STRIP1: variants seen among roughly 807,000 people sequenced by gnomAD.
STRIP1 encodes striatin-interacting protein 1.
In STRIP1, 63 loss-of-function variants were observed where a neutral mutation model predicts 106.2. That is an observed-to-expected ratio of 0.59 (90% CI 0.48 to 0.73). STRIP1 has a LOEUF of 0.73. Ranked by LOEUF, STRIP1 falls within the 30% of genes least tolerant of loss-of-function variation. STRIP1 has a pLI of 0.00. For missense variants in STRIP1, 857 were observed against 1,074.8 expected, an observed-to-expected ratio of 0.80 and a Z score of 2.83; for synonymous variants, 390 against 413.0, an observed-to-expected ratio of 0.94 and a Z score of 0.67.
chr1:110,043,121 A>C lies in STRIP1; in HGVS notation c.919A>C (p.Met307Leu). 1 of 1,613,846 alleles carries C rather than the reference A, an allele frequency of 6.2e-7. No individual in the cohort carries two copies. The highest frequency in any genetic ancestry group is 8.5e-7 in the Non-Finnish European group (1 of 1,179,952). ...TLGGFEELQS[M>L]KAEKRSILGL... ...AGGCGGCTTTGAGGAGCTGCAGAGC[A>C]TGAAGGCTGAGAAGCGCAGCATCCT... Residue 307 changes from methionine to leucine, a missense_variant, in exon 9 of 21, where the codon ATG becomes CTG. Around this residue, in one of 2 missense-constraint regions of STRIP1, gnomAD observed 750 missense variants for 989.8 expected, o/e 0.76. Coordinates refer to ENST00000369795, the MANE Select transcript of STRIP1 (RefSeq NM_033088.4).
Position 110,045,026 on chromosome 1 carries a change from CAGT to C in STRIP1, c.1365_1367del (p.Val457del). 1 of 1,614,108 alleles carries C rather than the reference CAGT, an allele frequency of 6.2e-7. No homozygotes were observed. Among genetic ancestry groups the C allele is most frequent in the Non-Finnish European group, 8.5e-7 (1 of 1,180,026 alleles). ...TCTTTATTCTCCAGTGACACGAACA[CAGT>C]GGTGGGGCTGCCCAGGCCAATCCAC... On this transcript the variant is annotated inframe_deletion, in exon 12 of 21. Transcript: ENST00000369795.
At chr1:110,033,116 T>C (rs1652270687), upstream of STRIP1, among the ~76,000 whole-genome samples, 1 of 152,224 alleles carries the variant, frequency 6.6e-6, no homozygotes, top group African/African-American at 2.4e-5. Context: ...CCTGGAACTT[T>C]GCAGGGCTTC....
intron 6 of STRIP1, chr1:110,041,293 G>C (rs964959606): frequency 8.3e-5 from 32 of 386,994 alleles, no homozygotes; most frequent in Non-Finnish European, 1.5e-4. Flanking sequence ...CATAAACCCT[G>C]TTTTTGTTCT....
At chr1:110,033,882 C>G (rs914075385), upstream of STRIP1, among the ~76,000 whole-genome samples, 2 of 152,230 alleles carry the variant, frequency 1.3e-5, no homozygotes, top group African/African-American at 4.8e-5. Context: ...TGATGTTTCT[C>G]TTAGTAGTTT....
intron 5 of STRIP1, 135 bp downstream of exon 5, chr1:110,039,650 G>A: frequency 8.6e-7 from 1 of 1,161,164 alleles, no homozygotes; most frequent in Non-Finnish European, 1.2e-6. Flanking sequence ...CTGACCACCT[G>A]GGTTGAATAA....
intron 1 of STRIP1, among the ~76,000 whole-genome samples, chr1:110,035,762 A>G (rs903161395): frequency 1.3e-5 from 2 of 152,214 alleles, no homozygotes; most frequent in African/African-American, 4.8e-5. Context: ...GTCCAAGCAT[A>G]ATGTACCAAT....
chr1:110,034,536 A>G, upstream of STRIP1: 3 of 1,378,842 alleles, frequency 2.2e-6, no homozygotes, highest in South Asian at 3.1e-5. Context: ...ACTGGCCGCC[A>G]CACTTAATAT....
chr1:110,042,202 G>A (rs2101772299), intron 8 of STRIP1, among the ~76,000 whole-genome samples: 1 of 152,298 alleles, frequency 6.6e-6, no homozygotes, highest in South Asian at 2.1e-4. Flanking sequence ...TACAGCTGAT[G>A]TAATTGGGGC....
In STRIP1 at chr1:110,039,837, C is replaced by T. The variant is rs910515275; in HGVS notation, c.581+322C>T. ...TTGAACCTGCAGACACTGCTGTGTT[C>T]GCCCTGCAGTTTCCGCCTTGGCAGG... On this transcript the variant is annotated intron_variant, in intron 5 of 20. Coordinates refer to ENST00000369795, the MANE Select transcript of STRIP1 (RefSeq NM_033088.4). 22 of 1,311,004 alleles carry T rather than the reference C, an allele frequency of 1.7e-5. No homozygotes were observed. The African/African-American group carries it at 2.5e-4, about 15-fold the overall frequency. 81.2% of individuals were successfully genotyped at this position (1,311,004 alleles called of 1,614,324 possible).
intron 18 of STRIP1, 145 bp from the exon 19 acceptor site, chr1:110,050,811 G>A: frequency 1.6e-6 from 1 of 618,236 alleles, no homozygotes; most frequent in East Asian, 2.7e-5. Flanking sequence ...TTCTGGGATG[G>A]AGTCCTGGGG....
intron 17 of STRIP1, chr1:110,050,068 C>T: frequency 2.1e-6 from 1 of 472,854 alleles, no homozygotes; most frequent in Non-Finnish European, 3.8e-6. Flanking sequence ...CTCCCCCGCC[C>T]CACATTGATT....
intron 5 of STRIP1, among the ~76,000 whole-genome samples, chr1:110,040,423 C>T (rs1390296795): frequency 6.6e-6 from 1 of 152,210 alleles, no homozygotes; most frequent in Non-Finnish European, 1.5e-5. Flanking sequence ...CTCAGGTGAT[C>T]CACCCGCCTC....
In STRIP1 at chr1:110,045,059, G is replaced by A. The variant is rs1652952752; in HGVS notation, c.1397G>A (p.Ser466Asn). Residue 466 changes from serine (S) to asparagine (N), a missense_variant, in exon 12 of 21, where the codon AGC (serine) becomes AAC (asparagine). Physicochemically the swap from Ser to Asn is conservative, Grantham distance 46. Coordinates refer to ENST00000369795, the MANE Select transcript of STRIP1 (RefSeq NM_033088.4). ...GGGCTGCCCAGGCCAATCCACGAAA[G>A]CATCAAGACTCTGAAACAGGTGAGT... The part of the protein sequence containing the change: ...VVGLPRPIHE[S>N]IKTLKQHKYT... 2 of 1,614,088 alleles carry A rather than the reference G, an allele frequency of 1.2e-6. No homozygotes were observed. The highest frequency in any genetic ancestry group is 1.7e-6 in the Non-Finnish European group (2 of 1,179,994).
intron 1 of STRIP1, among the ~76,000 whole-genome samples, chr1:110,036,998 A>G (rs1570912324): frequency 1.3e-5 from 2 of 152,034 alleles, no homozygotes; most frequent in East Asian, 3.9e-4. Context: ...TATATTTTTA[A>G]AAAATTTTAT....
At chr1:110,039,333 C>CCT (rs1652643737) in intron 4 of STRIP1, 27 bp downstream of exon 4, 2 of 1,613,964 alleles carry the variant, frequency 1.2e-6, no homozygotes, top group Non-Finnish European at 1.7e-6. Context: ...CCCAGGGTTC[C>CCT]CTGGCACCTC....
Position 110,034,764 on chromosome 1 carries a change from C to CTGCCTGG in STRIP1, c.128_134dup (p.Gly46AlafsTer28). 6.9e-7 allele frequency: 1 copy of CTGCCTGG among 1,451,612 alleles called. No homozygotes were observed. Among genetic ancestry groups the CTGCCTGG allele is most frequent in the Non-Finnish European group, 9.0e-7 (1 of 1,108,698 alleles). The allele number at this position is 1,451,612 out of a possible 1,614,324, so 89.9% of individuals were successfully genotyped here. On this transcript the variant is annotated frameshift_variant, in exon 1 of 21. Coordinates refer to ENST00000369795, the MANE Select transcript of STRIP1 (RefSeq NM_033088.4). LOFTEE classifies it high-confidence loss of function. ...GGCACCGCGGGCCGCCGCGGGCCTCCTGCCTGGGGGCAAAGCCCGCGAGTT... is the reference window on the plus strand; with the variant it reads ...GGCACCGCGGGCCGCCGCGGGCCTCCTGCCTGGTGCCTGGGGGCAAAGCCCGCGAGTT...
chr1:110,052,584 C>G (rs1410979644), intron 20 of STRIP1, among the ~76,000 whole-genome samples: 1 of 152,136 alleles, frequency 6.6e-6, no homozygotes, highest in African/African-American at 2.4e-5. Flanking sequence ...ATTCTCCCCC[C>G]TCAGCCTCCC....
upstream of STRIP1, among the ~76,000 whole-genome samples, chr1:110,033,073 G>GAAA (rs1313844048): frequency 6.1e-4 from 93 of 152,264 alleles, no homozygotes; most frequent in South Asian, 6.8e-3. Flanking sequence ...CAGGGCTTTT[G>GAAA]CATTTAGCTG....
Position 110,040,836 on chromosome 1 carries a change from A to G in STRIP1, c.650+133A>G, listed in dbSNP as rs957799209. ...CATCATCTGCATGTGTGATGGGCTCAGTGTGAATGATTAGTAGGAACTGCT... is the reference window on the plus strand; with the variant it reads ...CATCATCTGCATGTGTGATGGGCTCGGTGTGAATGATTAGTAGGAACTGCT... On this transcript the variant is annotated intron_variant, in intron 6 of 20. Transcript: ENST00000369795. The G allele has an allele frequency of 5.8e-5, 42 of 724,402 alleles. No homozygotes were observed. In the African/African-American group the frequency reaches 7.6e-4, roughly 13 times the overall value. 44.9% of individuals were successfully genotyped at this position (724,402 alleles called of 1,614,324 possible).
Sources: gnomAD v4.1 joint callset for allele counts (sites outside exome capture counted in the v4.1 genomes callset) on GRCh38, gnomAD v4.1.1 for gene constraint, gnomAD v4.1.1 regional missense constraint, MANE v1.5 for transcripts, NCBI Gene and HGNC (gene_info 2026-07-23, HGNC 2026-07-21) for gene names.